PHKB: variants seen among roughly 807,000 people sequenced by gnomAD.
PHKB encodes phosphorylase kinase regulatory subunit beta, also known as phosphorylase b kinase regulatory subunit beta.
A neutral mutation model predicts 152.1 loss-of-function variants in PHKB; 122 were observed. That is an observed-to-expected ratio of 0.80 (90% CI 0.69 to 0.93). PHKB has a LOEUF of 0.93. Among genes scored for constraint, PHKB ranks in the 40% least tolerant of loss-of-function variants. The pLI, the probability that PHKB is intolerant of heterozygous loss-of-function variation, is 0.00. For missense variants in PHKB, 1,304 were observed against 1,328.4 expected, an observed-to-expected ratio of 0.98 and a Z score of 0.29; for synonymous variants, 436 against 464.9, an observed-to-expected ratio of 0.94 and a Z score of 0.80.
chr16:47,566,746 T>C (rs1971574639), intron 7 of PHKB: 1 of 757,126 alleles, frequency 1.3e-6, no homozygotes. Context: ...GTTGTTGAAA[T>C]ATCTCCTTCC....
At chr16:47,573,369 G>A (rs1040311391) in intron 7 of PHKB, among the ~76,000 whole-genome samples, 6 of 152,188 alleles carry the variant, frequency 3.9e-5, no homozygotes, top group African/African-American at 1.2e-4. Context: ...CTCACCAGGT[G>A]TGGACTCAGG....
rs1969549953 is a variant in PHKB, at chr16:47,461,390, A to C, written c.40A>C (p.Lys14Gln). The stretch of plus-strand genomic sequence containing the variant: ...GGGACTCACGGCAGAAGTGAGCTGG[A>C]AGGTCTTGGAGCGAAGAGCTCGGAC... ...AAGLTAEVSWKVLERRARTKR... is the reference protein window; with the variant it reads ...AAGLTAEVSWQVLERRARTKR... Residue 14 changes from lysine to glutamine, a missense_variant, in exon 1 of 31, where the codon AAG (lysine) becomes CAG (glutamine). Physicochemically the swap from Lys to Gln is moderately conservative, Grantham distance 53. Transcript: ENST00000323584. The C allele has an allele frequency of 6.2e-7, 1 of 1,613,044 alleles. No individual in the cohort carries two copies. The highest frequency in any genetic ancestry group is 8.5e-7 in the Non-Finnish European group (1 of 1,179,774).
chr16:47,610,840 A>G lies in PHKB; in HGVS notation c.1378A>G (p.Ser460Gly). 1 of 1,600,364 alleles carries G rather than the reference A, an allele frequency of 6.2e-7. No homozygotes were observed. Among genetic ancestry groups the G allele is most frequent in the Non-Finnish European group, 8.6e-7 (1 of 1,167,614 alleles). Residue 460 changes from serine to glycine, a missense_variant, in exon 14 of 31, where the codon AGT (serine) becomes GGT (glycine). Ser to Gly is a moderately conservative substitution (Grantham distance 56). Coordinates refer to ENST00000323584, the MANE Select transcript of PHKB (RefSeq NM_000293.3). ...CTTTTTTTCAGCTGATGAACTTATT[A>G]GTCCTAAAGACATTGATCCTGTCCA... Reference protein sequence around the residue: ...IAKLLADELISPKDIDPVQRY... With the variant: ...IAKLLADELIGPKDIDPVQRY...
At chr16:47,600,170 A>G (rs181018931) in intron 13 of PHKB, among the ~76,000 whole-genome samples, 46 of 152,346 alleles carry the variant, frequency 3.0e-4, no homozygotes, top group Admixed American at 2.7e-3. Flanking sequence ...ATAATTATAT[A>G]ACAAAACTCT....
At chr16:47,563,644 C>T in intron 7 of PHKB, among the ~76,000 whole-genome samples, 1 of 152,048 alleles carries the variant, frequency 6.6e-6, no homozygotes, top group Non-Finnish European at 1.5e-5. Context: ...ACCCTACTTT[C>T]TTTTTTTCTT....
chr16:47,645,511 A>T (rs866545997), intron 16 of PHKB, among the ~76,000 whole-genome samples: 18 of 129,928 alleles, frequency 1.4e-4, no homozygotes, highest in Non-Finnish European at 2.8e-4. Context: ...TTTGTCAAAG[A>T]TCAGATAGTT....
At chr16:47,482,350 A>T (rs1174578834) in intron 1 of PHKB, among the ~76,000 whole-genome samples, 1 of 152,236 alleles carries the variant, frequency 6.6e-6, no homozygotes, top group Non-Finnish European at 1.5e-5. Flanking sequence ...TGTCCTTCAG[A>T]AGTATATCTA....
chr16:47,562,064 T>C (rs1303743307), intron 7 of PHKB: 3 of 152,332 alleles, frequency 2.0e-5, no homozygotes, highest in African/African-American at 7.2e-5. Flanking sequence ...TAGGTTGTCC[T>C]GGCAAGTGTT....
chr16:47,650,786 C>T, intron 19 of PHKB, 45 bp from the exon 20 acceptor site: 1 of 1,419,468 alleles, frequency 7.0e-7, no homozygotes, highest in Non-Finnish European at 1.0e-6. Flanking sequence ...ATTAATTTAC[C>T]ATTCTGTTGT....
intron 7 of PHKB, chr16:47,561,580 G>A (rs1971476796): frequency 6.6e-6 from 1 of 152,102 alleles, no homozygotes; most frequent in Non-Finnish European, 1.5e-5. Flanking sequence ...GAATGCTTGG[G>A]GCTATACATG....
intron 1 of PHKB, among the ~76,000 whole-genome samples, chr16:47,476,665 T>G (rs983306734): frequency 6.6e-6 from 1 of 152,214 alleles, no homozygotes; most frequent in African/African-American, 2.4e-5. Context: ...TTTTTTAAAT[T>G]CTACTATTTA....
At chr16:47,671,128 T>C (rs987539370) in intron 26 of PHKB, among the ~76,000 whole-genome samples, 2 of 152,228 alleles carry the variant, frequency 1.3e-5, no homozygotes, top group Admixed American at 1.3e-4. Flanking sequence ...ATAAACACAG[T>C]ACTGTTACCA....
intron 6 of PHKB, among the ~76,000 whole-genome samples, chr16:47,518,829 A>G (rs1374379245): frequency 6.6e-6 from 1 of 152,136 alleles, no homozygotes; most frequent in African/African-American, 2.4e-5. Flanking sequence ...ACTTATTTAC[A>G]TCTGTTGGAG....
chr16:47,620,890 T>TA lies in PHKB; in HGVS notation c.1458+9979dup, dbSNP rs1193629058. 6.2e-4 allele frequency among the ~76,000 whole-genome samples: 88 copies of TA among 142,114 alleles called. 1 individual carries two copies. Among genetic ancestry groups the TA allele is most frequent in the Middle Eastern group, 3.5e-3 (1 of 282 alleles). The allele number at this position is 142,114 out of a possible 152,430, so 93.2% of individuals were successfully genotyped here. A position where few individuals can be genotyped will look rare whatever the true frequency, so the allele number is the denominator to read the frequency against. On this transcript the variant is annotated intron_variant, in intron 14 of 30. Transcript: ENST00000323584. ...CTCTGTCTCAAAAAAATAAAAAATA[T>TA]AAAAAAAAAGAGATGTTCTAGGAAG...
At chr16:47,580,248 G>C (rs1318382430) in intron 7 of PHKB, 47 bp from the exon 8 acceptor site, 1 of 1,400,938 alleles carries the variant, frequency 7.1e-7, no homozygotes, top group Non-Finnish European at 1.0e-6. Flanking sequence ...TTCTGATTTT[G>C]TAGCCACATA....
chr16:47,546,999 G>T (rs1327504700), intron 6 of PHKB, among the ~76,000 whole-genome samples: 1 of 152,146 alleles, frequency 6.6e-6, no homozygotes, highest in African/African-American at 2.4e-5. Flanking sequence ...AATTTTTCTG[G>T]TACAGTCTGT....
intron 13 of PHKB, among the ~76,000 whole-genome samples, chr16:47,606,365 A>G (rs1972324088): frequency 6.6e-6 from 1 of 152,252 alleles, no homozygotes; most frequent in Non-Finnish European, 1.5e-5. Flanking sequence ...ATAAATAGCT[A>G]TGGAAAATGA....
At chr16:47,694,686 A>G (rs537799364) in intron 28 of PHKB, among the ~76,000 whole-genome samples, 5 of 152,338 alleles carry the variant, frequency 3.3e-5, no homozygotes, top group Non-Finnish European at 5.9e-5. Context: ...TGGGTGCCCT[A>G]TGATTACTGT....
At chr16:47,542,091 T>C (rs1971070563) in intron 6 of PHKB, among the ~76,000 whole-genome samples, 2 of 152,250 alleles carry the variant, frequency 1.3e-5, no homozygotes, top group African/African-American at 4.8e-5. Flanking sequence ...TCCTGAATGG[T>C]ATTGCCTAGG....
Sources: allele counts gnomAD v4.1 joint callset (sites outside exome capture counted in the v4.1 genomes callset), GRCh38; gene constraint gnomAD v4.1.1; transcripts MANE v1.5; gene names NCBI Gene and HGNC (gene_info 2026-07-23, HGNC 2026-07-21).